CCNY: variants seen among roughly 807,000 people sequenced by gnomAD.
CCNY encodes cyclin Y.
A neutral mutation model predicts 42.8 loss-of-function variants in CCNY; 19 were observed. The ratio of observed to expected loss-of-function variants is 0.44; its 90% CI spans 0.31 to 0.65. The LOEUF (loss-of-function observed/expected upper bound fraction) is 0.65. Ranked by LOEUF, CCNY falls within the 30% of genes least tolerant of loss-of-function variation. The pLI, the probability that CCNY is intolerant of heterozygous loss-of-function variation, is 0.07. For synonymous variants in CCNY, 165 were observed against 162.7 expected, an observed-to-expected ratio of 1.01 and a Z score of -0.11; for missense variants, 370 against 437.3, an observed-to-expected ratio of 0.85 and a Z score of 1.37.
chr10:35,449,984 C>G (rs1215262573), intron 1 of CCNY, among the ~76,000 whole-genome samples: 1 of 152,260 alleles, frequency 6.6e-6, no homozygotes, highest in African/African-American at 2.4e-5. Context: ...CTGCTTGGGG[C>G]AGAGGAGATG....
At chr10:35,365,539 T>C (rs997746405) in intron 1 of CCNY, among the ~76,000 whole-genome samples, 1 of 152,210 alleles carries the variant, frequency 6.6e-6, no homozygotes, top group African/African-American at 2.4e-5. Context: ...TGTTACCTGC[T>C]CCTGGATTAC....
intron 1 of CCNY, among the ~76,000 whole-genome samples, chr10:35,391,794 T>C (rs1837419451): frequency 1.3e-5 from 2 of 152,096 alleles, no homozygotes; most frequent in South Asian, 4.2e-4. Flanking sequence ...TTGTGATTCT[T>C]CTCCCTGCCC....
At chr10:35,483,982 T>TA (rs1327378906) in intron 2 of CCNY, among the ~76,000 whole-genome samples, 2 of 152,242 alleles carry the variant, frequency 1.3e-5, no homozygotes, top group African/African-American at 4.8e-5. Context: ...TCTAAGTTTA[T>TA]TCTTGTAGAT....
intron 9 of CCNY, among the ~76,000 whole-genome samples, chr10:35,567,458 T>C (rs1406206246): frequency 2.0e-5 from 3 of 152,346 alleles, no homozygotes; most frequent in Admixed American, 2.0e-4. Context: ...TGCCCCAGCC[T>C]TTCTCCTCTG....
At chr10:35,375,820 CG>C (rs1358824310) in intron 1 of CCNY, among the ~76,000 whole-genome samples, 1 of 152,014 alleles carries the variant, frequency 6.6e-6, no homozygotes, top group African/African-American at 2.4e-5. Context: ...GAGGCGAAGG[CG>C]TGATGACCTG....
intron 7 of CCNY, among the ~76,000 whole-genome samples, chr10:35,536,976 A>C (rs942865068): frequency 5.9e-5 from 9 of 152,198 alleles, no homozygotes; most frequent in African/African-American, 2.2e-4. Flanking sequence ...GGCATGTCAG[A>C]GGTCTTCAGG....
At chr10:35,290,227 C>CACACAG (rs1323862599) in intron 3 of CCNY, among the ~76,000 whole-genome samples, 53 of 145,920 alleles carry the variant, frequency 3.6e-4, no homozygotes, top group Admixed American at 2.5e-3. Context: ...CTCCATCACA[C>CACACAG]ACACACACAC....
At chr10:35,276,120 G>A (rs1168839166) in intron 3 of CCNY, among the ~76,000 whole-genome samples, 3 of 152,132 alleles carry the variant, frequency 2.0e-5, no homozygotes, top group Non-Finnish European at 2.9e-5. Context: ...AAATAGGCTC[G>A]GGTCCAGAAA....
intron 7 of CCNY, among the ~76,000 whole-genome samples, chr10:35,547,333 T>G (rs1321373820): frequency 1.3e-5 from 2 of 152,198 alleles, no homozygotes; most frequent in Non-Finnish European, 2.9e-5. Flanking sequence ...CTTTCTTTTT[T>G]CCACCAACAG....
chr10:35,419,043 A>C (rs539679884), intron 1 of CCNY, among the ~76,000 whole-genome samples: 34 of 152,132 alleles, frequency 2.2e-4, no homozygotes, highest in African/African-American at 8.2e-4. Flanking sequence ...CTGGTCTTGA[A>C]TTCCTGACCT....
intron 1 of CCNY, among the ~76,000 whole-genome samples, chr10:35,390,549 A>T (rs934158977): frequency 6.6e-6 from 1 of 152,218 alleles, no homozygotes; most frequent in Non-Finnish European, 1.5e-5. Flanking sequence ...TGAACCAATG[A>T]TTGACAGTTG....
chr10:35,570,961 G>A lies in CCNY; in HGVS notation c.*1791G>A, dbSNP rs929950783. On this transcript the variant is annotated 3_prime_UTR_variant, in exon 10 of 10. Coordinates refer to ENST00000374704, the MANE Select transcript of CCNY (RefSeq NM_145012.6). ...CGTTAATTATCTTTCCATTGTAATT[G>A]TGATGATCTACTCTGTATGGGTACC... The A allele has an allele frequency of 1.3e-5, 2 of 152,336 alleles. No homozygotes were observed. Among genetic ancestry groups the A allele is most frequent in the African/African-American group, 4.8e-5 (2 of 41,464 alleles). 9.4% of individuals were successfully genotyped at this position (152,336 alleles called of 1,614,324 possible).
chr10:35,310,523 C>T (rs114730054), intron 3 of CCNY, among the ~76,000 whole-genome samples: 1,530 of 152,254 alleles, frequency 0.01, 36 homozygotes, highest in African/African-American at 0.035. Flanking sequence ...ACATTCTCAC[C>T]AACAGTGTAT....
intron 2 of CCNY, among the ~76,000 whole-genome samples, chr10:35,500,087 A>G (rs1840080442): frequency 6.6e-6 from 1 of 152,178 alleles, no homozygotes; most frequent in South Asian, 2.1e-4. Context: ...ATAGCAGACC[A>G]GTTTGTTGCT....
At chr10:35,465,953 G>GTGTGTC (rs1839258998) in intron 1 of CCNY, among the ~76,000 whole-genome samples, 5 of 151,466 alleles carry the variant, frequency 3.3e-5, no homozygotes, top group South Asian at 2.1e-4. Flanking sequence ...GTGTGTGTGT[G>GTGTGTC]TGTGTGTCTG....
At chr10:35,472,716 C>T (rs544861290) in intron 1 of CCNY, among the ~76,000 whole-genome samples, 48 of 152,222 alleles carry the variant, frequency 3.2e-4, no homozygotes, top group African/African-American at 1.1e-3. Flanking sequence ...ACAGTATAAT[C>T]GTGAAGGTAA....
At chr10:35,510,388 T>G (rs1589168263) in intron 3 of CCNY, among the ~76,000 whole-genome samples, 1 of 152,102 alleles carries the variant, frequency 6.6e-6, no homozygotes, top group Non-Finnish European at 1.5e-5. Context: ...CTAATTTATT[T>G]CTATTTTTTG....
chr10:35,372,282 T>C (rs1201357143), intron 1 of CCNY, among the ~76,000 whole-genome samples: 1 of 152,236 alleles, frequency 6.6e-6, no homozygotes, highest in Non-Finnish European at 1.5e-5. Flanking sequence ...GCTTCATTTT[T>C]TTCTGTCGAT....
intron 3 of CCNY, among the ~76,000 whole-genome samples, chr10:35,267,699 C>A (rs2095727050): frequency 1.3e-5 from 2 of 152,148 alleles, no homozygotes; most frequent in South Asian, 4.1e-4. Context: ...GGATGAAAAA[C>A]CAAAGAAACT....
Sources: allele counts gnomAD v4.1 joint callset (sites outside exome capture counted in the v4.1 genomes callset), GRCh38; gene constraint gnomAD v4.1.1; transcripts MANE v1.5; gene names NCBI Gene and HGNC (gene_info 2026-07-23, HGNC 2026-07-21).